The following OSBPL9 variants were observed in gnomAD, a reference collection of about 807,000 sequenced individuals.
OSBPL9 encodes the protein oxysterol-binding protein-related protein 9.
In OSBPL9, 40 loss-of-function variants were observed where a neutral mutation model predicts 106.6. That is an observed-to-expected ratio of 0.38 (90% CI 0.29 to 0.49). OSBPL9 has a LOEUF of 0.49. Among genes scored for constraint, OSBPL9 ranks in the 20% least tolerant of loss-of-function variants. OSBPL9 has a pLI of 0.97. For missense variants in OSBPL9, 609 were observed against 887.2 expected (o/e 0.69, Z 3.98); for synonymous variants, 269 against 295.4 (o/e 0.91, Z 0.92).
chr1:51,677,751 A>G (rs1012446694), intron 3 of OSBPL9, among the ~76,000 whole-genome samples: 6 of 152,002 alleles, frequency 3.9e-5, no homozygotes, highest in African/African-American at 9.7e-5. Flanking sequence ...GGGTTTCACC[A>G]TATTGTCCAG....
intron 4 of OSBPL9, among the ~76,000 whole-genome samples, chr1:51,728,710 T>A (rs945022991): frequency 5.9e-5 from 9 of 152,150 alleles, no homozygotes; most frequent in Non-Finnish European, 1.3e-4. Context: ...CACCTTTTTT[T>A]GTTGTTTTTG....
At position 51,729,857 on chromosome 1, in the gene OSBPL9, A is replaced by G. The variant is rs1663933318; in HGVS notation, c.319-15679A>G. On this transcript the variant is annotated intron_variant, in intron 4 of 23. Transcript: ENST00000428468. The surrounding 1 kb of genome is among the most constrained non-coding windows in gnomAD (Gnocchi z 5.1). ...TGTCCCGGGGGACGGGCTGAACCTC[A>G]GTCAGGACCGCCTGCACCGCAGTCC... 2 of 1,247,044 alleles carry G rather than the reference A, an allele frequency of 1.6e-6. No homozygotes were observed. Among genetic ancestry groups the G allele is most frequent in the Non-Finnish European group, 2.0e-6 (2 of 988,886 alleles). The allele number at this position is 1,247,044 out of a possible 1,614,324, so 77.2% of individuals were successfully genotyped here.
the OSBPL9 span, among the ~76,000 whole-genome samples, chr1:51,553,669 C>T: frequency 6.6e-6 from 1 of 151,996 alleles, no homozygotes; most frequent in African/African-American, 2.4e-5. Flanking sequence ...TAGCAAGATC[C>T]CATCTCTAAA....
the OSBPL9 span, among the ~76,000 whole-genome samples, chr1:51,571,752 G>A: frequency 1.3e-5 from 2 of 152,156 alleles, no homozygotes; most frequent in East Asian, 1.9e-4. Flanking sequence ...AAGACTTCAC[G>A]GAGGAGGGCG....
rs560586022 is a variant in OSBPL9 at position 51,625,760 on chromosome 1, G to C, written c.111+8539G>C. Among the ~76,000 whole-genome samples, 7 of 152,156 alleles carry C rather than the reference G, an allele frequency of 4.6e-5. No individual in the cohort carries two copies. The East Asian group carries it at 1.4e-3, about 29-fold the overall frequency. On this transcript the variant is annotated intron_variant, in intron 1 of 23. Coordinates refer to ENST00000428468, the MANE Select transcript of OSBPL9 (RefSeq NM_024586.6). ...GCTGGTCTCAAACTCCTGAGCTTAAGCAATCCACCCTCCTCGGCCTCCCAA... is the reference window on the plus strand; with the variant it reads ...GCTGGTCTCAAACTCCTGAGCTTAACCAATCCACCCTCCTCGGCCTCCCAA...
chr1:51,679,004 T>C (rs1287670690), intron 3 of OSBPL9, among the ~76,000 whole-genome samples: 2 of 152,208 alleles, frequency 1.3e-5, no homozygotes, highest in Non-Finnish European at 2.9e-5. Context: ...TTCTCCAAAA[T>C]GAAACCAAAT....
At chr1:51,763,687 G>GA (rs1003134192) in intron 11 of OSBPL9, among the ~76,000 whole-genome samples, 3 of 151,884 alleles carry the variant, frequency 2.0e-5, no homozygotes, top group East Asian at 3.9e-4. Context: ...AATTTTGAAA[G>GA]AAAAAAAATA....
chr1:51,710,984 G>A lies in OSBPL9; in HGVS notation c.242-3019G>A, dbSNP rs1659674364. On this transcript the variant is annotated intron_variant, in intron 3 of 23. Coordinates refer to ENST00000428468, the MANE Select transcript of OSBPL9 (RefSeq NM_024586.6). ...CTTCTGGGGTTCCAATCACATGTGT[G>A]TTACATTTTCTCATACGCTGTATTG... Among the ~76,000 whole-genome samples the A allele has an allele frequency of 2.0e-5, 3 of 150,732 alleles. No individual in the cohort carries two copies. The South Asian group carries it at 6.3e-4, about 32-fold the overall frequency.
chr1:51,544,735 A>G, the OSBPL9 span, among the ~76,000 whole-genome samples: 1 of 152,158 alleles, frequency 6.6e-6, no homozygotes, highest in African/African-American at 2.4e-5. Flanking sequence ...GGATAGAACT[A>G]AATCTTAATA....
At chr1:51,669,570 T>G (rs1389094746) in intron 3 of OSBPL9, 58 bp downstream of exon 3, 4 of 1,533,940 alleles carry the variant, frequency 2.6e-6, no homozygotes, top group Non-Finnish European at 3.6e-6. Flanking sequence ...TTTTCTTCTC[T>G]TTTGGGTTGT....
chr1:51,621,253 G>A (rs1037573650), intron 1 of OSBPL9, among the ~76,000 whole-genome samples: 2 of 152,162 alleles, frequency 1.3e-5, no homozygotes, highest in Non-Finnish European at 2.9e-5. Flanking sequence ...TGTAATCCCA[G>A]CACCTTGGGA....
rs1410716556 is a variant in OSBPL9, at chr1:51,688,665, A to G, written c.241+19153A>G. On this transcript the variant is annotated intron_variant, in intron 3 of 23. Coordinates refer to ENST00000428468, the MANE Select transcript of OSBPL9 (RefSeq NM_024586.6). The stretch of plus-strand genomic sequence containing the variant: ...AAATTTTTTAAAAGAATTTTAAAAA[A>G]GTTTTTACATTTTGTACTTAATGAA... 3.3e-5 allele frequency among the ~76,000 whole-genome samples: 5 copies of G among 152,206 alleles called. No individual in the cohort carries two copies. In the East Asian group the frequency reaches 9.6e-4, roughly 29 times the overall value.
chr1:51,731,009 C>T (rs1557755746), intron 4 of OSBPL9, among the ~76,000 whole-genome samples: 1 of 151,978 alleles, frequency 6.6e-6, no homozygotes, highest in Non-Finnish European at 1.5e-5. Flanking sequence ...ACTGTTAGCA[C>T]CTGTCATTTA....
chr1:51,783,086 TGA>T (rs1482343891), intron 17 of OSBPL9, among the ~76,000 whole-genome samples: 1 of 152,218 alleles, frequency 6.6e-6, no homozygotes, highest in East Asian at 1.9e-4. Context: ...CCTGTATACT[TGA>T]GTCATCTCTA....
At chr1:51,675,261 G>A (rs1224670296) in intron 3 of OSBPL9, among the ~76,000 whole-genome samples, 2 of 152,118 alleles carry the variant, frequency 1.3e-5, no homozygotes, top group Non-Finnish European at 2.9e-5. Flanking sequence ...CTGTGTAAAG[G>A]GATAGCTGCC....
chr1:51,660,093 C>G (rs1353946450), intron 2 of OSBPL9, among the ~76,000 whole-genome samples: 3 of 151,998 alleles, frequency 2.0e-5, no homozygotes, highest in Admixed American at 1.3e-4. Context: ...CAGACATTAT[C>G]ACTTAGTAAA....
intron 15 of OSBPL9, among the ~76,000 whole-genome samples, chr1:51,779,950 T>C (rs1571749679): frequency 6.6e-6 from 1 of 151,740 alleles, no homozygotes; most frequent in African/African-American, 2.4e-5. Flanking sequence ...TGGTGGCAGG[T>C]GCCTGTAGTC....
the OSBPL9 span, among the ~76,000 whole-genome samples, chr1:51,568,588 T>A: frequency 6.6e-6 from 1 of 152,204 alleles, no homozygotes; most frequent in East Asian, 1.9e-4. Context: ...AGAGTCTCAC[T>A]CTGTCACCCA....
Position 51,692,662 on chromosome 1 carries a change from TTTC to T in OSBPL9, c.242-21335_242-21333del, listed in dbSNP as rs537325820. On this transcript the variant is annotated intron_variant, in intron 3 of 23. Transcript: ENST00000428468. ...TGCCCTCCCTCCCTCCCTTCCTTTC[TTTC>T]TTCTTTTTTTTTTTTTTTCCAGGTT... is the stretch of plus-strand genomic sequence containing the variant. 1.1e-4 allele frequency among the ~76,000 whole-genome samples: 16 copies of T among 143,872 alleles called. No individual in the cohort carries two copies. In the South Asian group the frequency reaches 3.6e-3, roughly 32 times the overall value. The allele number at this position is 143,872 out of a possible 152,430, so 94.4% of individuals were successfully genotyped here. A position where few individuals can be genotyped will look rare whatever the true frequency, so the allele number is the denominator to read the frequency against.
Sources: gnomAD v4.1 joint callset for allele counts (sites outside exome capture counted in the v4.1 genomes callset) on GRCh38, gnomAD v4.1.1 for gene constraint, Gnocchi (gnomAD v3.1) non-coding constraint, MANE v1.5 for transcripts, NCBI Gene and HGNC (gene_info 2026-07-23, HGNC 2026-07-21) for gene names.